HS3ST5: variants seen among roughly 807,000 people sequenced by gnomAD.
HS3ST5 encodes the protein heparan sulfate glucosamine 3-O-sulfotransferase 5.
Under a neutral mutation model 25.4 loss-of-function variants are expected in HS3ST5, and 10 were observed. The ratio of observed to expected loss-of-function variants is 0.39; its 90% CI spans 0.24 to 0.67. HS3ST5 has a LOEUF of 0.67. Ranked by LOEUF, HS3ST5 falls within the 30% of genes least tolerant of loss-of-function variation. The pLI is 0.44. For synonymous variants in HS3ST5, 170 were observed against 162.4 expected (o/e 1.05, Z -0.36); for missense variants, 324 against 420.7 (o/e 0.77, Z 2.01).
chr6:114,323,619 A>G (rs555936646), intron 1 of HS3ST5, among the ~76,000 whole-genome samples: 3 of 152,306 alleles, frequency 2.0e-5, no homozygotes, highest in South Asian at 4.1e-4. Flanking sequence ...GCTACCTCAT[A>G]GCATTATTAT....
chr6:114,222,568 T>C (rs2114495361), intron 2 of HS3ST5, among the ~76,000 whole-genome samples: 1 of 152,020 alleles, frequency 6.6e-6, no homozygotes, highest in Admixed American at 6.6e-5. Flanking sequence ...AAACTTACTT[T>C]TTCTATTATT....
At chr6:114,167,907 C>A (rs530679631) in intron 3 of HS3ST5, among the ~76,000 whole-genome samples, 1 of 151,986 alleles carries the variant, frequency 6.6e-6, no homozygotes, top group African/African-American at 2.4e-5. Context: ...GTTTGTTTGG[C>A]GTTCGAGAGT....
intron 3 of HS3ST5, among the ~76,000 whole-genome samples, chr6:114,161,162 G>C (rs1778927419): frequency 6.6e-6 from 1 of 151,876 alleles, no homozygotes; most frequent in Admixed American, 6.6e-5. Context: ...CTCCCCTCAA[G>C]GTCAGCGATA....
intron 3 of HS3ST5, among the ~76,000 whole-genome samples, chr6:114,124,766 C>T (rs1396453769): frequency 6.6e-6 from 1 of 151,980 alleles, no homozygotes; most frequent in Non-Finnish European, 1.5e-5. Context: ...TGAAATCTCT[C>T]TTTTAGATCG....
chr6:114,145,742 G>A (rs549422435), intron 3 of HS3ST5, among the ~76,000 whole-genome samples: 14 of 152,298 alleles, frequency 9.2e-5, no homozygotes, highest in South Asian at 6.2e-4. Flanking sequence ...GGCAGGGCTC[G>A]TGTGGGGGTG....
chr6:114,149,636 G>T (rs941413298), intron 3 of HS3ST5, among the ~76,000 whole-genome samples: 7 of 151,982 alleles, frequency 4.6e-5, no homozygotes, highest in African/African-American at 1.7e-4. Flanking sequence ...TGCATGTGGG[G>T]CTTAAAACTT....
intron 1 of HS3ST5, among the ~76,000 whole-genome samples, chr6:114,260,352 A>G (rs574442726): frequency 6.6e-6 from 1 of 152,342 alleles, no homozygotes; most frequent in Admixed American, 6.5e-5. Flanking sequence ...AAATTACTGT[A>G]TAAAAATTAC....
At chr6:114,271,548 T>G (rs549542205) in intron 1 of HS3ST5, among the ~76,000 whole-genome samples, 1 of 152,142 alleles carries the variant, frequency 6.6e-6, no homozygotes, top group East Asian at 1.9e-4. Context: ...ATTCTATACC[T>G]AAGAAGAAAG....
At chr6:114,323,555 T>C (rs1460036551) in intron 1 of HS3ST5, among the ~76,000 whole-genome samples, 1 of 152,096 alleles carries the variant, frequency 6.6e-6, no homozygotes, top group Admixed American at 6.6e-5. Context: ...TGTTCAACTT[T>C]GAATAATTTA....
intron 1 of HS3ST5, among the ~76,000 whole-genome samples, chr6:114,279,983 A>G (rs1040886715): frequency 1.3e-5 from 2 of 151,980 alleles, no homozygotes; most frequent in African/African-American, 4.8e-5. Context: ...ATTCAGAATG[A>G]TAAATGGGAC....
At position 114,057,380 on chromosome 6, in the gene HS3ST5, C is replaced by T. The variant is rs143401516; in HGVS notation, c.918G>A (p.Ala306=). ...CTGGATGAATGCGCCCCTTGCTGCC[C>T]GCCAGGCACTTATTAAAGATAATAT... is the stretch of plus-strand genomic sequence containing the variant. ...RFNIIFNKCL[A]GSKGRIHPEV... The change falls in exon 5 of 5, where the codon GCG becomes GCA. Residue 306 remains alanine (A), a synonymous_variant. Transcript: ENST00000312719. The T allele has an allele frequency of 2.9e-4, 470 of 1,614,018 alleles. No individual in the cohort carries two copies. Among genetic ancestry groups the T allele is most frequent in the Non-Finnish European group, 3.9e-4 (455 of 1,179,994 alleles).
At chr6:114,309,347 A>G (rs1775435153) in intron 1 of HS3ST5, among the ~76,000 whole-genome samples, 2 of 152,222 alleles carry the variant, frequency 1.3e-5, no homozygotes, top group East Asian at 1.9e-4. Context: ...GGACTTGTCA[A>G]TAAAACACAT....
chr6:114,341,590 C>CGT (rs1776875334), intron 1 of HS3ST5, among the ~76,000 whole-genome samples: 1 of 68,972 alleles, frequency 1.4e-5, no homozygotes, highest in Non-Finnish European at 4.2e-5. Context: ...GCATCCATCC[C>CGT]GCGCGCGCGC....
At chr6:114,232,809 C>G (rs1396229774) in intron 1 of HS3ST5, among the ~76,000 whole-genome samples, 1 of 151,966 alleles carries the variant, frequency 6.6e-6, no homozygotes, top group Non-Finnish European at 1.5e-5. Context: ...TCTGTGTATC[C>G]TCCTCTTCTT....
intron 3 of HS3ST5, among the ~76,000 whole-genome samples, chr6:114,124,390 AT>A (rs1370503654): frequency 3.3e-5 from 5 of 151,992 alleles, no homozygotes; most frequent in African/African-American, 1.2e-4. Context: ...AATTTCTTTC[AT>A]TTCTCTCAGT....
At chr6:114,294,429 CAAGGTTAGAAACTTTTTTTTT>C (rs1774721650) in intron 1 of HS3ST5, among the ~76,000 whole-genome samples, 1 of 146,770 alleles carries the variant, frequency 6.8e-6, no homozygotes, top group South Asian at 2.2e-4. Flanking sequence ...TGGCTAAGGT[CAAGGTTAGAAACTTTTTTTTT>C]TTTTTTTTTT....
intron 3 of HS3ST5, among the ~76,000 whole-genome samples, chr6:114,126,162 C>G (rs1582628799): frequency 6.6e-6 from 1 of 152,006 alleles, no homozygotes; most frequent in Non-Finnish European, 1.5e-5. Context: ...GAAAAAAGTG[C>G]CAAATACACA....
intron 1 of HS3ST5, among the ~76,000 whole-genome samples, chr6:114,293,455 TTAA>T (rs1163905422): frequency 1.3e-5 from 2 of 152,124 alleles, no homozygotes; most frequent in Admixed American, 6.5e-5. Flanking sequence ...AGGATAATTA[TTAA>T]TATTTGTTTC....
chr6:114,265,115 C>A (rs960028687), intron 1 of HS3ST5, among the ~76,000 whole-genome samples: 2 of 151,970 alleles, frequency 1.3e-5, no homozygotes, highest in Non-Finnish European at 2.9e-5. Flanking sequence ...AAACTCCTGG[C>A]CTCAAGAGAT....
Sources: allele counts gnomAD v4.1 joint callset (sites outside exome capture counted in the v4.1 genomes callset), GRCh38; gene constraint gnomAD v4.1.1; transcripts MANE v1.5; gene names NCBI Gene and HGNC (gene_info 2026-07-23, HGNC 2026-07-21).